The following ETS1 variants were observed in gnomAD, a reference collection of about 807,000 sequenced individuals.
The protein encoded by ETS1 is ETS proto-oncogene 1, transcription factor.
In ETS1, 15 loss-of-function variants were observed where a neutral mutation model predicts 58.6. That is an observed-to-expected ratio of 0.26 (90% CI 0.17 to 0.39). The LOEUF (loss-of-function observed/expected upper bound fraction) is 0.39, where lower values mean the gene tolerates loss of function less well. ETS1 is among the 10% of genes least tolerant of loss of function. ETS1 has a pLI of 1.00. For missense variants in ETS1, 417 were observed against 610.5 expected, an observed-to-expected ratio of 0.68 and a Z score of 3.34; for synonymous variants, 214 against 218.2, an observed-to-expected ratio of 0.98 and a Z score of 0.17.
chr11:128,491,366 G>A (rs897378353), intron 3 of ETS1, among the ~76,000 whole-genome samples: 1 of 152,200 alleles, frequency 6.6e-6, no homozygotes, highest in African/African-American at 2.4e-5. Context: ...ACAGTTAAAT[G>A]TTCAAATGCA....
In ETS1 at chr11:128,463,880, G is replaced by T; in HGVS notation, c.1124-253C>A. ...CTTTATTTTGATTAACTTAAGGATC[G>T]GTTCATTTTTATTGCTAAACAAATT... On this transcript the variant is annotated intron_variant, in intron 8 of 9. Coordinates refer to ENST00000392668, the MANE Select transcript of ETS1 (RefSeq NM_001143820.2). The surrounding 1 kb of genome is among the most constrained non-coding windows in gnomAD (Gnocchi z 4.1). 3.9e-6 allele frequency: 1 copy of T among 259,670 alleles called. No homozygotes were observed. The highest frequency in any genetic ancestry group is 7.4e-6 in the Non-Finnish European group (1 of 135,210). The allele number at this position is 259,670 out of a possible 1,614,324, so 16.1% of individuals were successfully genotyped here.
chr11:128,587,300 G>C (rs1865050661), intron 1 of ETS1, among the ~76,000 whole-genome samples, 188 bp downstream of exon 1: 1 of 152,110 alleles, frequency 6.6e-6, no homozygotes, highest in African/African-American at 2.4e-5. Context: ...ATTCTGACGA[G>C]GTTAGGAAGT....
intron 7 of ETS1, among the ~76,000 whole-genome samples, chr11:128,484,477 T>C (rs11221323): frequency 0.25 from 38,214 of 152,158 alleles, 5,560 homozygotes; most frequent in Admixed American, 0.4. Context: ...GAACCATTTT[T>C]ACTTGATTAT....
chr11:128,470,215 G>T (rs1269190573), intron 8 of ETS1, among the ~76,000 whole-genome samples: 1 of 152,148 alleles, frequency 6.6e-6, no homozygotes, highest in Non-Finnish European at 1.5e-5. Flanking sequence ...TTGCATGTTA[G>T]ATCAAAAACG....
chr11:128,530,281 A>G (rs1863873677), intron 3 of ETS1: 1 of 152,212 alleles, frequency 6.6e-6, no homozygotes, highest in South Asian at 2.1e-4. Context: ...GGTCCTGCCC[A>G]TGACTCATGA....
In ETS1 at chr11:128,571,157, G is replaced by C. The variant is rs556637558; in HGVS notation, c.69+1905C>G. On this transcript the variant is annotated intron_variant, in intron 2 of 9. Transcript: ENST00000392668. ...AAAAAAAGAACTTCAGGCTGGGCGCGGTGGCTCACGCTTGTAATCCCAGCA... is the reference window on the plus strand; with the variant it reads ...AAAAAAAGAACTTCAGGCTGGGCGCCGTGGCTCACGCTTGTAATCCCAGCA... Among the ~76,000 whole-genome samples the C allele has an allele frequency of 4.1e-4, 62 of 151,878 alleles. 1 individual carries two copies. Among genetic ancestry groups the C allele is most frequent in the Admixed American group, 2.9e-3 (44 of 15,248 alleles).
intron 7 of ETS1, among the ~76,000 whole-genome samples, chr11:128,484,239 G>A (rs1862564780): frequency 6.6e-6 from 1 of 152,104 alleles, no homozygotes; most frequent in African/African-American, 2.4e-5. Flanking sequence ...TGGTCCTCTA[G>A]CTAAATACAC....
rs1008050006 is a variant in ETS1 at position 128,580,175 on chromosome 11, T to C, written c.-14-7031A>G. On this transcript the variant is annotated intron_variant, in intron 1 of 9. Transcript: ENST00000392668. ...AAGAGAGTAAGTTATCGTTTGGACA[T>C]TAAAAAAAAAAAAAAAAAAAAAAAA... Among the ~76,000 whole-genome samples, 6 of 58,534 alleles carry C rather than the reference T, an allele frequency of 1.0e-4. No homozygotes were observed. In the South Asian group the frequency reaches 2.7e-3, roughly 26 times the overall value. The allele number at this position is 58,534 out of a possible 152,430, so 38.4% of individuals were successfully genotyped here.
At chr11:128,576,302 CCTT>C (rs1205340321) in intron 1 of ETS1, among the ~76,000 whole-genome samples, 1 of 152,188 alleles carries the variant, frequency 6.6e-6, no homozygotes, top group Non-Finnish European at 1.5e-5. Context: ...GAGACGTAAA[CCTT>C]CTCAGAAGAA....
intron 3 of ETS1, among the ~76,000 whole-genome samples, chr11:128,511,170 T>C (rs949699860): frequency 2.6e-5 from 4 of 152,220 alleles, no homozygotes; most frequent in African/African-American, 9.6e-5. Context: ...TTCCTCCAGC[T>C]ACCTGAAGCT....
At chr11:128,514,698 A>G (rs1863477371) in intron 3 of ETS1, among the ~76,000 whole-genome samples, 1 of 152,178 alleles carries the variant, frequency 6.6e-6, no homozygotes, top group East Asian at 1.9e-4. Flanking sequence ...GAACCCAGGG[A>G]AGACTTCATC....
chr11:128,555,595 T>A (rs558674484), intron 3 of ETS1, among the ~76,000 whole-genome samples: 1 of 152,172 alleles, frequency 6.6e-6, no homozygotes, highest in African/African-American at 2.4e-5. Context: ...AATTCAAATT[T>A]AATGGTTTTT....
chr11:128,512,097 C>T (rs1336087146), intron 3 of ETS1, among the ~76,000 whole-genome samples: 1 of 152,160 alleles, frequency 6.6e-6, no homozygotes, highest in Non-Finnish European at 1.5e-5. Context: ...AAACAACAGA[C>T]ATGGAATTTT....
intron 3 of ETS1, chr11:128,536,836 T>C (rs1863979688): frequency 6.6e-6 from 1 of 152,258 alleles, no homozygotes; most frequent in African/African-American, 2.4e-5. Flanking sequence ...TTTCATACTC[T>C]CTTCATAAAG....
rs778150336 is a variant in ETS1, at chr11:128,548,538, A to G, written c.214+7753T>C. 2.7e-4 allele frequency among the ~76,000 whole-genome samples: 41 copies of G among 152,182 alleles called. 1 individual carries two copies. The highest frequency in any genetic ancestry group is 1.2e-4 in the Non-Finnish European group (8 of 68,030). On this transcript the variant is annotated intron_variant, in intron 3 of 9. Transcript: ENST00000392668. ...ACGGTAACGACACACACTCTTACCT[A>G]TCTCTCTATGTCCCCAACCTATCTG...
chr11:128,573,199 A>C (rs1183680539), intron 1 of ETS1, 55 bp from the exon 2 acceptor site: 3 of 1,276,778 alleles, frequency 2.3e-6, no homozygotes, highest in African/African-American at 3.0e-5. Flanking sequence ...TTTGTGGATT[A>C]GAATACACAA....
chr11:128,465,412 G>A (rs539977416), intron 8 of ETS1, among the ~76,000 whole-genome samples: 2 of 152,298 alleles, frequency 1.3e-5, no homozygotes, highest in South Asian at 4.1e-4. Context: ...ATTCAACTCA[G>A]GGACATTTGC....
chr11:128,576,716 C>T (rs550415018), intron 1 of ETS1, among the ~76,000 whole-genome samples: 41 of 152,016 alleles, frequency 2.7e-4, no homozygotes, highest in African/African-American at 9.9e-4. Context: ...AGCCCCCTCT[C>T]GCCGTGACCC....
intron 3 of ETS1, among the ~76,000 whole-genome samples, chr11:128,528,059 A>T (rs145116460): frequency 6.6e-6 from 1 of 152,300 alleles, no homozygotes; most frequent in African/African-American, 2.4e-5. Context: ...AGTGGAAGGG[A>T]AGTCCTCTGA....
Sources: allele counts gnomAD v4.1 joint callset (sites outside exome capture counted in the v4.1 genomes callset), GRCh38; gene constraint gnomAD v4.1.1; non-coding constraint Gnocchi (gnomAD v3.1); transcripts MANE v1.5; gene names NCBI Gene and HGNC (gene_info 2026-07-23, HGNC 2026-07-21).